The following PIBF1 variants were observed in gnomAD, a reference collection of about 807,000 sequenced individuals.
PIBF1 encodes the protein progesterone-induced-blocking factor 1.
PIBF1 carries 90 observed loss-of-function variants against 112.5 expected under a neutral mutation model. The ratio of observed to expected loss-of-function variants is 0.80; its 90% CI spans 0.67 to 0.95. PIBF1 has a LOEUF of 0.95. Ranked by LOEUF, PIBF1 falls within the 40% of genes least tolerant of loss-of-function variation. The pLI, the probability that PIBF1 is intolerant of heterozygous loss-of-function variation, is 0.00. For synonymous variants in PIBF1, 301 were observed against 288.6 expected (o/e 1.04, Z -0.44); for missense variants, 915 against 852.3 (o/e 1.07, Z -0.92).
intron 11 of PIBF1, among the ~76,000 whole-genome samples, chr13:72,896,011 A>C (rs1166173693): frequency 1.3e-5 from 2 of 151,992 alleles, no homozygotes; most frequent in East Asian, 1.9e-4. Flanking sequence ...GCTTTCCCCC[A>C]TTTCCCTGAC....
chr13:72,898,104 T>G (rs1354563557), intron 11 of PIBF1, among the ~76,000 whole-genome samples: 1 of 152,056 alleles, frequency 6.6e-6, no homozygotes, highest in Non-Finnish European at 1.5e-5. Flanking sequence ...TGAAATTATA[T>G]CAAGCCCTCT....
At position 72,827,741 on chromosome 13, in the gene PIBF1, C is replaced by A; in HGVS notation, c.924C>A (p.Thr308=). 6.3e-7 allele frequency: 1 copy of A among 1,580,620 alleles called. No individual in the cohort carries two copies. The highest frequency in any genetic ancestry group is 8.6e-7 in the Non-Finnish European group (1 of 1,162,966). Residue 308 remains threonine (T), a synonymous_variant, in exon 8 of 18, where the codon ACC becomes ACA. Coordinates refer to ENST00000326291, the MANE Select transcript of PIBF1 (RefSeq NM_006346.4). ...TTTCTACATGTATGTAGGTAGTCAC[C>A]TTAGAGCAAACTGTTACTTTACTGC... is the stretch of plus-strand genomic sequence containing the variant. ...ERSELSKEVV[T]LEQTVTLLQK...
chr13:72,864,829 G>T (rs2038856518), intron 10 of PIBF1, among the ~76,000 whole-genome samples: 1 of 152,122 alleles, frequency 6.6e-6, no homozygotes, highest in African/African-American at 2.4e-5. Context: ...ACTTGTAAAT[G>T]AGCTCTTATT....
chr13:72,894,057 C>CAAAAAAAAAAAAAAA (rs66856837), intron 11 of PIBF1, 108 bp downstream of exon 11: 1 of 82,684 alleles, frequency 1.2e-5, no homozygotes, highest in African/African-American at 4.6e-5. Context: ...CTATCCTGCA[C>CAAAAAAAAAAAAAAA]AAAAAAAAAA....
intron 17 of PIBF1, among the ~76,000 whole-genome samples, chr13:73,011,365 T>C (rs574729726): frequency 3.8e-4 from 58 of 152,328 alleles, no homozygotes; most frequent in African/African-American, 1.2e-3. Flanking sequence ...ATTTTAACTT[T>C]AGAAGCTTGA....
chr13:72,804,436 G>C (rs2035625976), intron 5 of PIBF1, among the ~76,000 whole-genome samples: 1 of 152,202 alleles, frequency 6.6e-6, no homozygotes, highest in African/African-American at 2.4e-5. Context: ...TGTATGATCT[G>C]ATGGTAATCA....
Position 72,844,760 on chromosome 13 carries a change from C to CACACGGATGAAGTCTTACTGTTT in PIBF1, c.1224-9293_1224-9292insGGATGAAGTCTTACTGTTTACAC, listed in dbSNP as rs1555296175. Among the ~76,000 whole-genome samples the CACACGGATGAAGTCTTACTGTTT allele has an allele frequency of 1.2e-3, 157 of 129,588 alleles. 3 individuals are homozygous for CACACGGATGAAGTCTTACTGTTT. Among genetic ancestry groups the CACACGGATGAAGTCTTACTGTTT allele is most frequent in the South Asian group, 2.7e-3 (10 of 3,678 alleles). 85.0% of individuals were successfully genotyped at this position (129,588 alleles called of 152,430 possible). A position where few individuals can be genotyped will look rare whatever the true frequency, so the allele number is the denominator to read the frequency against. The stretch of plus-strand genomic sequence containing the variant: ...ACACACACACACACACACACACACA[C>CACACGGATGAAGTCTTACTGTTT]ACACACACACACACACACACACACA... On this transcript the variant is annotated intron_variant, in intron 9 of 17. Transcript: ENST00000326291.
intron 9 of PIBF1, among the ~76,000 whole-genome samples, chr13:72,852,163 G>T (rs781671036): frequency 6.6e-6 from 1 of 152,124 alleles, no homozygotes; most frequent in Non-Finnish European, 1.5e-5. Flanking sequence ...CCCCTCACTC[G>T]CCACATTGCA....
intron 5 of PIBF1, among the ~76,000 whole-genome samples, chr13:72,820,588 TAATC>T (rs2036507863): frequency 6.6e-6 from 1 of 152,156 alleles, no homozygotes; most frequent in Non-Finnish European, 1.5e-5. Context: ...GGGACTAAAA[TAATC>T]AAAGTTACAT....
intron 14 of PIBF1, among the ~76,000 whole-genome samples, chr13:72,950,914 C>G (rs903134304): frequency 6.6e-6 from 1 of 152,190 alleles, no homozygotes; most frequent in African/African-American, 2.4e-5. Context: ...CCTGTAGTTC[C>G]CAGCCCACTG....
intron 6 of PIBF1, 26 bp downstream of exon 6, chr13:72,822,008 G>T: frequency 6.3e-7 from 1 of 1,578,380 alleles, no homozygotes; most frequent in Non-Finnish European, 8.6e-7. Context: ...GGCTGCAGTA[G>T]TAGTTCTCTA....
At chr13:72,820,736 T>G (rs1426910420) in intron 5 of PIBF1, among the ~76,000 whole-genome samples, 1 of 152,178 alleles carries the variant, frequency 6.6e-6, no homozygotes, top group Non-Finnish European at 1.5e-5. Context: ...GGCCAGCTAC[T>G]TAAGCAGTAA....
At chr13:72,993,877 G>A (rs536146393) in intron 16 of PIBF1, among the ~76,000 whole-genome samples, 10 of 151,956 alleles carry the variant, frequency 6.6e-5, no homozygotes, top group Admixed American at 5.2e-4. Flanking sequence ...TTAATAAATT[G>A]TATGCCATCA....
At chr13:72,823,512 G>A (rs1400192367) in intron 6 of PIBF1, among the ~76,000 whole-genome samples, 2 of 152,094 alleles carry the variant, frequency 1.3e-5, no homozygotes, top group Non-Finnish European at 2.9e-5. Context: ...GAATGAATGA[G>A]TTTAAAAACA....
chr13:72,943,100 C>T (rs1399623137), intron 14 of PIBF1, among the ~76,000 whole-genome samples: 1 of 151,970 alleles, frequency 6.6e-6, no homozygotes, highest in African/African-American at 2.4e-5. Context: ...TACTACATTG[C>T]CTGAATTTTT....
In PIBF1 at chr13:72,866,017, G is replaced by C. The variant is rs918330987; in HGVS notation, c.1322+11862G>C. Reference sequence around the variant, plus strand: ...TTGACATGGCTTTACTGTCTCCTAAGGCTCTAGGGGTAATCCTTTGCTTGC... The same window carrying C: ...TTGACATGGCTTTACTGTCTCCTAACGCTCTAGGGGTAATCCTTTGCTTGC... On this transcript the variant is annotated intron_variant, in intron 10 of 17. Transcript: ENST00000326291. Among the ~76,000 whole-genome samples, 7 of 152,280 alleles carry C rather than the reference G, an allele frequency of 4.6e-5. No individual in the cohort carries two copies. In the East Asian group the frequency reaches 9.6e-4, roughly 21 times the overall value.
At chr13:72,823,406 C>T (rs1011941402) in intron 6 of PIBF1, among the ~76,000 whole-genome samples, 2 of 151,954 alleles carry the variant, frequency 1.3e-5, no homozygotes, top group Admixed American at 1.3e-4. Context: ...AAAAATATAA[C>T]CTTGATCAAA....
chr13:72,981,929 A>G (rs2043167162), intron 16 of PIBF1, among the ~76,000 whole-genome samples: 1 of 152,234 alleles, frequency 6.6e-6, no homozygotes, highest in Non-Finnish European at 1.5e-5. Context: ...CAAGACTTGT[A>G]TTCATATCCC....
intron 10 of PIBF1, among the ~76,000 whole-genome samples, chr13:72,888,819 A>G (rs2039953282): frequency 6.7e-6 from 1 of 148,682 alleles, no homozygotes; most frequent in East Asian, 1.9e-4. Context: ...ATATACATAC[A>G]TGTTTAAAAA....
Sources: gnomAD v4.1 joint callset for allele counts (sites outside exome capture counted in the v4.1 genomes callset) on GRCh38, gnomAD v4.1.1 for gene constraint, MANE v1.5 for transcripts, NCBI Gene and HGNC (gene_info 2026-07-23, HGNC 2026-07-21) for gene names.